RNF170: variants seen among roughly 807,000 people sequenced by gnomAD.
The protein encoded by RNF170 is E3 ubiquitin-protein ligase RNF170.
Under a neutral mutation model 32.7 loss-of-function variants are expected in RNF170, and 12 were observed. That is an observed-to-expected ratio of 0.37 (90% CI 0.24 to 0.60). RNF170 has a LOEUF of 0.60. RNF170 is among the 20% of genes least tolerant of loss of function. The pLI, the probability that RNF170 is intolerant of heterozygous loss-of-function variation, is 0.72. For synonymous variants in RNF170, 91 were observed against 103.6 expected, an observed-to-expected ratio of 0.88 and a Z score of 0.74; for missense variants, 212 against 311.2, an observed-to-expected ratio of 0.68 and a Z score of 2.40.
intron 4 of RNF170, 71 bp from the exon 5 acceptor site, chr8:42,865,560 A>G: frequency 1.9e-6 from 2 of 1,060,208 alleles, no homozygotes; most frequent in Middle Eastern, 4.0e-4. Context: ...ATCCTCAGAA[A>G]GATTCAACTA....
chr8:42,896,178 T>C (rs2130272642), intron 1 of RNF170: 3 of 266,946 alleles, frequency 1.1e-5, no homozygotes, highest in South Asian at 9.5e-5. Context: ...CCCTCCTGCA[T>C]TAAGGAGAGT....
chr8:42,881,309 G>A (rs1465293664), intron 2 of RNF170: 1 of 152,202 alleles, frequency 6.6e-6, no homozygotes, highest in Non-Finnish European at 1.5e-5. Context: ...TTGAGCCCAG[G>A]ACTTCTAAGC....
chr8:42,877,755 A>C (rs1805068771), intron 2 of RNF170, among the ~76,000 whole-genome samples: 1 of 152,236 alleles, frequency 6.6e-6, no homozygotes, highest in Non-Finnish European at 1.5e-5. Context: ...GCACAGGCCA[A>C]AAAAAGGAAA....
At position 42,853,443 on chromosome 8, in the gene RNF170, T is replaced by C; in HGVS notation, c.*2716A>G. On this transcript the variant is annotated 3_prime_UTR_variant, in exon 7 of 7. Transcript: ENST00000527424. ...TAGCCACAAGGGATCCACATAGTCC[T>C]TTCTTCCCTTGTACCTCTCAAACAC... 1 of 1,287,158 alleles carries C rather than the reference T, an allele frequency of 7.8e-7. No individual in the cohort carries two copies. The highest frequency in any genetic ancestry group is 1.0e-6 in the Non-Finnish European group (1 of 988,640). The allele number at this position is 1,287,158 out of a possible 1,614,324, so 79.7% of individuals were successfully genotyped here.
At chr8:42,897,109 G>A, upstream of RNF170, 1 of 1,241,444 alleles carries the variant, frequency 8.1e-7, no homozygotes. Context: ...GGCGGTAGGC[G>A]CTGCCTGGCC....
chr8:42,870,001 T>C lies in RNF170; in HGVS notation c.322+3A>G. 6.2e-7 allele frequency: 1 copy of C among 1,607,926 alleles called. No individual in the cohort carries two copies. The highest frequency in any genetic ancestry group is 8.5e-7 in the Non-Finnish European group (1 of 1,174,402). On this transcript the variant is annotated splice_donor_region_variant and intron_variant, in intron 4 of 6. Transcript: ENST00000527424. ...TTTCCCAAGTATAGCGTTGTTTGCT[T>C]ACCACAAAAAAGATGTCCACAGTTG... is the stretch of plus-strand genomic sequence containing the variant.
chr8:42,859,176 C>T (rs760415361), intron 6 of RNF170, among the ~76,000 whole-genome samples: 36 of 151,988 alleles, frequency 2.4e-4, no homozygotes, highest in Admixed American at 1.4e-3. Flanking sequence ...AACAAACAAA[C>T]AAAATAGAAG....
rs764301150 is a variant in RNF170, at chr8:42,887,827, A to G, written c.38T>C (p.Leu13Pro). The change falls in exon 2 of 7, where the codon CTG becomes CCG. Residue 13 changes from leucine (L) to proline (P), a missense_variant. Around this residue, in one of 2 missense-constraint regions of RNF170, gnomAD observed 115 missense variants for 132.3 expected, o/e 0.87. Transcript: ENST00000527424. ...KYQGEVQSLK[L>P]DDDSVIEGVS... ...TCCTTCTATAACTGAATCATCATCC[A>G]GTTTCAAACTTTGAACTTCACCTTG... 6.2e-7 allele frequency: 1 copy of G among 1,613,998 alleles called. No individual in the cohort carries two copies. The highest frequency in any genetic ancestry group is 1.1e-5 in the South Asian group (1 of 91,088).
At chr8:42,896,883 C>T, upstream of RNF170, 2 of 333,506 alleles carry the variant, frequency 6.0e-6, no homozygotes, top group East Asian at 4.3e-5. Flanking sequence ...CGGCCGGGGG[C>T]GGGGACGCGG....
intron 1 of RNF170, among the ~76,000 whole-genome samples, chr8:42,894,221 T>G (rs1806551169): frequency 6.6e-6 from 1 of 152,164 alleles, no homozygotes; most frequent in Non-Finnish European, 1.5e-5. Flanking sequence ...ACAAAAGCAC[T>G]GTGGATATGC....
Position 42,870,056 on chromosome 8 carries a change from G to A in RNF170, c.270C>T (p.Cys90=). 6.2e-7 allele frequency: 1 copy of A among 1,614,160 alleles called. No homozygotes were observed. The highest frequency in any genetic ancestry group is 8.5e-7 in the Non-Finnish European group (1 of 1,179,996). The part of the protein sequence containing the change: ...QFYTDMYCPI[C]LHQASFPVET... ...CCACCGGGAAGGAGGCTTGGTGCAG[G>A]CAGATGGGACAGTACATGTCAGTGT... is the stretch of plus-strand genomic sequence containing the variant. Residue 90 remains cysteine, a synonymous_variant, in exon 4 of 7, where the codon TGC becomes TGT. Transcript: ENST00000527424.
chr8:42,879,053 C>G (rs1327599553), intron 2 of RNF170, among the ~76,000 whole-genome samples: 1 of 152,172 alleles, frequency 6.6e-6, no homozygotes, highest in Non-Finnish European at 1.5e-5. Context: ...AATATTACTG[C>G]ATACATCTGT....
chr8:42,855,312 C>T lies in RNF170; in HGVS notation c.*847G>A, dbSNP rs191059902. 227 of 996,024 alleles carry T rather than the reference C, an allele frequency of 2.3e-4. 2 individuals carry two copies. Among genetic ancestry groups the T allele is most frequent in the Middle Eastern group, 1.2e-3 (3 of 2,426 alleles). The allele number at this position is 996,024 out of a possible 1,614,324, so 61.7% of individuals were successfully genotyped here. ...TGGCGCAATCCACCTCCTGGGTTTACGCCATTCTTCTGCCTCAGCCTCCCG... is the reference window on the plus strand; with the variant it reads ...TGGCGCAATCCACCTCCTGGGTTTATGCCATTCTTCTGCCTCAGCCTCCCG... On this transcript the variant is annotated 3_prime_UTR_variant, in exon 7 of 7. Transcript: ENST00000527424.
intron 2 of RNF170, among the ~76,000 whole-genome samples, chr8:42,875,162 A>C (rs1804826054): frequency 6.7e-6 from 1 of 149,546 alleles, no homozygotes; most frequent in Non-Finnish European, 1.5e-5. Flanking sequence ...CAAGAGCAAA[A>C]CCGTCTTAAA....
At chr8:42,880,038 T>C (rs540502186) in intron 2 of RNF170, among the ~76,000 whole-genome samples, 33 of 152,242 alleles carry the variant, frequency 2.2e-4, no homozygotes, top group African/African-American at 6.7e-4. Context: ...TTGGAAGAAG[T>C]TGACTCCAGC....
chr8:42,897,018 C>A (rs559730060), upstream of RNF170: 1 of 733,644 alleles, frequency 1.4e-6, no homozygotes, highest in Non-Finnish European at 1.9e-6. Flanking sequence ...GCGGCCGGAT[C>A]CGAGGAGCAG....
At chr8:42,893,553 T>G (rs181865307) in intron 1 of RNF170, among the ~76,000 whole-genome samples, 1 of 152,218 alleles carries the variant, frequency 6.6e-6, no homozygotes, top group Admixed American at 6.5e-5. Context: ...CACTCTTTTT[T>G]GGGGCGGGTG....
intron 1 of RNF170, 132 bp downstream of exon 1, chr8:42,896,352 G>A: frequency 2.4e-6 from 1 of 416,652 alleles, no homozygotes; most frequent in South Asian, 1.7e-5. Context: ...GGGCCCGGGG[G>A]GAAGGAGGCG....
At chr8:42,894,373 C>G (rs1419070604) in intron 1 of RNF170, among the ~76,000 whole-genome samples, 3 of 152,182 alleles carry the variant, frequency 2.0e-5, no homozygotes, top group Non-Finnish European at 4.4e-5. Context: ...TAAAGACAAG[C>G]TGCATGTGAG....
Sources: allele counts gnomAD v4.1 joint callset (sites outside exome capture counted in the v4.1 genomes callset), GRCh38; gene constraint gnomAD v4.1.1; regional missense constraint gnomAD v4.1.1; transcripts MANE v1.5; gene names NCBI Gene and HGNC (gene_info 2026-07-23, HGNC 2026-07-21).